MYO3B: variants seen among roughly 807,000 people sequenced by gnomAD.
The protein encoded by MYO3B is myosin-IIIb.
MYO3B carries 156 observed loss-of-function variants against 174.6 expected under a neutral mutation model. That is an observed-to-expected ratio of 0.89 (90% CI 0.78 to 1.02). The LOEUF is 1.02. MYO3B is among the 50% of genes least tolerant of loss of function. The pLI is 0.00. For synonymous variants in MYO3B, 563 were observed against 569.1 expected (o/e 0.99, Z 0.15); for missense variants, 1,632 against 1,639.4 (o/e 1.00, Z 0.08).
At chr2:170,432,454 A>G (rs1489291194) in intron 22 of MYO3B, among the ~76,000 whole-genome samples, 1 of 152,116 alleles carries the variant, frequency 6.6e-6, no homozygotes, top group African/African-American at 2.4e-5. Context: ...ATTTTTGTAC[A>G]TCTTACAATG....
At chr2:170,306,052 T>A (rs1427408508) in intron 7 of MYO3B, among the ~76,000 whole-genome samples, 1 of 152,196 alleles carries the variant, frequency 6.6e-6, no homozygotes, top group African/African-American at 2.4e-5. Flanking sequence ...GTCTACTGGG[T>A]CCATGGTGGT....
chr2:170,498,722 T>C lies in MYO3B; in HGVS notation c.3126+19T>C. ...AACAAAGGTAGTTCGTTCTTTATTG[T>C]TCAAATTGTCCCGTATGATTTCTTT... On this transcript the variant is annotated intron_variant, in intron 26 of 34. Transcript: ENST00000408978. The C allele has an allele frequency of 3.4e-6, 5 of 1,466,774 alleles. No individual in the cohort carries two copies. The highest frequency in any genetic ancestry group is 4.8e-6 in the Non-Finnish European group (5 of 1,046,264). 90.9% of individuals were successfully genotyped at this position (1,466,774 alleles called of 1,614,324 possible).
intron 32 of MYO3B, among the ~76,000 whole-genome samples, chr2:170,636,219 A>C (rs1167184746): frequency 6.6e-6 from 1 of 152,186 alleles, no homozygotes; most frequent in African/African-American, 2.4e-5. Context: ...GGCTGGTCCC[A>C]ACCCAGGTGC....
chr2:170,279,987 TG>T (rs1463925142), intron 7 of MYO3B, among the ~76,000 whole-genome samples: 1 of 152,176 alleles, frequency 6.6e-6, no homozygotes, highest in Non-Finnish European at 1.5e-5. Flanking sequence ...TATCCAGTAA[TG>T]GATTGTTGGG....
chr2:170,555,888 A>ATAG (rs1174535769), intron 32 of MYO3B, among the ~76,000 whole-genome samples: 1 of 149,526 alleles, frequency 6.7e-6, no homozygotes, highest in African/African-American at 2.5e-5. Context: ...AATAATAATA[A>ATAG]TATGCATTTA....
intron 32 of MYO3B, among the ~76,000 whole-genome samples, chr2:170,611,042 T>C (rs1210194912): frequency 1.3e-5 from 2 of 152,208 alleles, no homozygotes; most frequent in Non-Finnish European, 2.9e-5. Context: ...GGAAGCAAGA[T>C]AAGCATGGCT....
At chr2:170,583,518 T>C (rs1693295814) in intron 32 of MYO3B, among the ~76,000 whole-genome samples, 1 of 152,222 alleles carries the variant, frequency 6.6e-6, no homozygotes, top group South Asian at 2.1e-4. Flanking sequence ...TAAACCCAAG[T>C]CTTTGCTCTT....
chr2:170,619,785 T>A (rs1355651173), intron 32 of MYO3B, among the ~76,000 whole-genome samples: 2 of 135,668 alleles, frequency 1.5e-5, no homozygotes, highest in African/African-American at 5.5e-5. Flanking sequence ...CTCGTTCTGT[T>A]GCCCAAGCTA....
intron 8 of MYO3B, among the ~76,000 whole-genome samples, chr2:170,362,094 TG>T (rs1237720334): frequency 1.3e-5 from 2 of 152,172 alleles, no homozygotes; most frequent in Non-Finnish European, 2.9e-5. Context: ...GCCTTGTTTT[TG>T]CATAGGGACT....
chr2:170,638,208 A>G (rs1697686085), intron 32 of MYO3B, among the ~76,000 whole-genome samples: 1 of 152,072 alleles, frequency 6.6e-6, no homozygotes. Context: ...AAAATATTTT[A>G]TAATTTATGG....
chr2:170,514,223 G>A (rs1357298310), intron 28 of MYO3B, among the ~76,000 whole-genome samples: 3 of 152,230 alleles, frequency 2.0e-5, no homozygotes, highest in Non-Finnish European at 4.4e-5. Flanking sequence ...TCAGCCGCTC[G>A]TGACCTTGAG....
At chr2:170,275,479 ATGT>A (rs1391465564) in intron 7 of MYO3B, among the ~76,000 whole-genome samples, 2 of 152,150 alleles carry the variant, frequency 1.3e-5, no homozygotes, top group Non-Finnish European at 2.9e-5. Context: ...CATGTGTACT[ATGT>A]CCTAAAAACA....
At chr2:170,564,314 A>T (rs939970262) in intron 32 of MYO3B, among the ~76,000 whole-genome samples, 1 of 152,142 alleles carries the variant, frequency 6.6e-6, no homozygotes, top group African/African-American at 2.4e-5. Flanking sequence ...CTCTACTAAA[A>T]ATACAAAAAT....
intron 23 of MYO3B, among the ~76,000 whole-genome samples, chr2:170,455,135 C>T (rs2105936992): frequency 6.6e-6 from 1 of 152,304 alleles, no homozygotes; most frequent in South Asian, 2.1e-4. Context: ...CTGCATGACT[C>T]CTAAACCATG....
intron 7 of MYO3B, among the ~76,000 whole-genome samples, chr2:170,304,080 G>C (rs76502960): frequency 0.02 from 2,977 of 152,156 alleles, 111 homozygotes; most frequent in African/African-American, 0.068. Flanking sequence ...CAAAGATTTG[G>C]TGCATATCAT....
At position 170,649,345 on chromosome 2, in the gene MYO3B, AAATAATATATAATATAT is replaced by A. The variant is rs1387320376; in HGVS notation, c.3734-2282_3734-2266del. Among the ~76,000 whole-genome samples the A allele has an allele frequency of 3.1e-4, 16 of 52,056 alleles. 1 individual carries two copies. The highest frequency in any genetic ancestry group is 2.6e-3 in the East Asian group (5 of 1,934). 34.2% of individuals were successfully genotyped at this position (52,056 alleles called of 152,430 possible). A position where few individuals can be genotyped will look rare whatever the true frequency, so the allele number is the denominator to read the frequency against. On this transcript the variant is annotated intron_variant, in intron 32 of 34. Transcript: ENST00000408978. ...AATAATATAATATATATTATATATA[AAATAATATATAATATAT>A]TATATAAAAATATAAATATATTATA...
chr2:170,306,753 G>A (rs1261991243), intron 7 of MYO3B, among the ~76,000 whole-genome samples: 2 of 152,174 alleles, frequency 1.3e-5, no homozygotes, highest in African/African-American at 4.8e-5. Context: ...TGGGTGTGAA[G>A]TGACAACATG....
In MYO3B at chr2:170,277,605, C is replaced by T. The variant is rs575455788; in HGVS notation, c.749+41469C>T. On this transcript the variant is annotated intron_variant, in intron 7 of 34. Transcript: ENST00000408978. ...TCATCTATTCATTCAATTTAGGAAA[C>T]CATTTCTTTTAGGCTGGTAATTTAA... is the stretch of plus-strand genomic sequence containing the variant. 9.9e-5 allele frequency among the ~76,000 whole-genome samples: 15 copies of T among 152,134 alleles called. 2 individuals are homozygous for T. The highest frequency in any genetic ancestry group is 3.6e-4 in the African/African-American group (15 of 41,514).
At chr2:170,438,090 G>A (rs936007474) in intron 22 of MYO3B, among the ~76,000 whole-genome samples, 9 of 151,938 alleles carry the variant, frequency 5.9e-5, no homozygotes, top group East Asian at 1.9e-4. Context: ...CCACTTCCTC[G>A]TGTCCCCAGC....
Sources: gnomAD v4.1 joint callset for allele counts (sites outside exome capture counted in the v4.1 genomes callset) on GRCh38, gnomAD v4.1.1 for gene constraint, MANE v1.5 for transcripts, NCBI Gene and HGNC (gene_info 2026-07-23, HGNC 2026-07-21) for gene names.